The following RIMS2 variants were observed in gnomAD, a reference collection of about 807,000 sequenced individuals.
RIMS2 encodes the protein regulating synaptic membrane exocytosis 2, also known as regulating synaptic membrane exocytosis protein 2.
A neutral mutation model predicts 174.4 loss-of-function variants in RIMS2; 59 were observed. The ratio of observed to expected loss-of-function variants is 0.34; its 90% confidence interval spans 0.27 to 0.42. The LOEUF is 0.42. Ranked by LOEUF, RIMS2 falls within the 10% of genes least tolerant of loss-of-function variation. RIMS2 has a pLI of 1.00. For missense variants in RIMS2, 1,620 were observed against 1,666.3 expected (o/e 0.97, Z 0.48); for synonymous variants, 606 against 572.5 (o/e 1.06, Z -0.84).
In RIMS2 at chr8:103,607,744, A is replaced by G. The variant is rs1455379159; in HGVS notation, c.177-89342A>G. On this transcript the variant is annotated intron_variant, in intron 1 of 23. Transcript: ENST00000504942. ...TAAACTTCCCTTCTCACTTCATTTC[A>G]TTCATTTCATCTTCCATTGCTGATA... Among the ~76,000 whole-genome samples the G allele has an allele frequency of 4.4e-5, 6 of 134,986 alleles. No individual in the cohort carries two copies. The Middle Eastern group carries it at 0.01, about 231-fold the overall frequency. 88.6% of individuals were successfully genotyped at this position (134,986 alleles called of 152,430 possible). A position where few individuals can be genotyped will look rare whatever the true frequency, so the allele number is the denominator to read the frequency against.
intron 3 of RIMS2, among the ~76,000 whole-genome samples, chr8:103,877,368 T>C (rs1378283623): frequency 1.3e-5 from 2 of 152,018 alleles, no homozygotes; most frequent in African/African-American, 4.8e-5. Flanking sequence ...TGTCTATTCA[T>C]GTCCTTAGCC....
Position 103,692,300 on chromosome 8 carries a change from G to A in RIMS2, c.177-4786G>A, listed in dbSNP as rs62527092. Among the ~76,000 whole-genome samples the A allele has an allele frequency of 6.0e-3, 910 of 152,308 alleles. 14 individuals carry two copies. Among genetic ancestry groups the A allele is most frequent in the Non-Finnish European group, 7.3e-3 (498 of 68,026 alleles). The stretch of plus-strand genomic sequence containing the variant: ...TTTGTCCTTTTCTTCAGGATGGTGA[G>A]TTGCTTCCTCTTCCCAGACAAGCTC... On this transcript the variant is annotated intron_variant, in intron 1 of 23. Transcript: ENST00000504942.
At chr8:104,013,970 T>C (rs773373381) in intron 18 of RIMS2, among the ~76,000 whole-genome samples, 8 of 152,212 alleles carry the variant, frequency 5.3e-5, no homozygotes, top group Non-Finnish European at 1.0e-4. Context: ...TGATTATAAA[T>C]AAAACTAGAT....
At chr8:103,587,004 A>G (rs756222139) in intron 1 of RIMS2, among the ~76,000 whole-genome samples, 13 of 152,070 alleles carry the variant, frequency 8.5e-5, no homozygotes, top group Non-Finnish European at 1.6e-4. Context: ...ATGTAAATGG[A>G]CTAAATTTTC....
intron 19 of RIMS2, among the ~76,000 whole-genome samples, chr8:104,112,406 A>T (rs1483634528): frequency 1.3e-5 from 2 of 152,112 alleles, no homozygotes; most frequent in East Asian, 1.9e-4. Flanking sequence ...TATGTATAAC[A>T]TATGGCATTC....
exon 12 of RIMS2, chr8:103,931,364 T>C (rs764362460): frequency 1.8e-4 from 281 of 1,600,654 alleles, no homozygotes; most frequent in Middle Eastern, 8.4e-4. Flanking sequence ...GGAATCCTTA[T>C]GTTAAAATTT....
At chr8:104,149,177 T>A (rs2098669433) in intron 19 of RIMS2, among the ~76,000 whole-genome samples, 1 of 152,208 alleles carries the variant, frequency 6.6e-6, no homozygotes, top group South Asian at 2.1e-4. Context: ...TGCTTTTCTT[T>A]AGGTTCCTCA....
At chr8:104,098,702 A>G (rs1379555240) in intron 19 of RIMS2, among the ~76,000 whole-genome samples, 2 of 152,096 alleles carry the variant, frequency 1.3e-5, no homozygotes, top group Non-Finnish European at 2.9e-5. Flanking sequence ...AGCCATTTCA[A>G]TTATCTAGCA....
At chr8:104,117,637 T>A (rs933220623) in intron 19 of RIMS2, among the ~76,000 whole-genome samples, 9 of 152,192 alleles carry the variant, frequency 5.9e-5, no homozygotes, top group Admixed American at 2.6e-4. Context: ...CTACCACACC[T>A]AGCCAAAAAT....
intron 1 of RIMS2, among the ~76,000 whole-genome samples, chr8:103,664,735 A>G (rs975300456): frequency 6.6e-6 from 1 of 152,248 alleles, no homozygotes; most frequent in Non-Finnish European, 1.5e-5. Context: ...TCAAGCATCT[A>G]GAACTAGAAA....
At chr8:104,042,846 G>A (rs2096631629) in intron 19 of RIMS2, among the ~76,000 whole-genome samples, 1 of 151,534 alleles carries the variant, frequency 6.6e-6, no homozygotes, top group Non-Finnish European at 1.5e-5. Context: ...GCATTCAAGT[G>A]ATGCCATTGG....
intron 3 of RIMS2, among the ~76,000 whole-genome samples, chr8:103,861,277 A>G (rs2099057503): frequency 6.6e-6 from 1 of 152,154 alleles, no homozygotes; most frequent in South Asian, 2.1e-4. Context: ...AATGGCCTCC[A>G]GCTCTACCCA....
At chr8:104,210,167 G>C (rs2099099093) in intron 19 of RIMS2, among the ~76,000 whole-genome samples, 1 of 152,148 alleles carries the variant, frequency 6.6e-6, no homozygotes, top group South Asian at 2.1e-4. Flanking sequence ...TTGGAAAACA[G>C]AAAGCTGTGG....
intron 1 of RIMS2, among the ~76,000 whole-genome samples, chr8:103,516,788 G>A (rs1163775333): frequency 3.3e-5 from 5 of 150,912 alleles, no homozygotes; most frequent in Non-Finnish European, 7.4e-5. Flanking sequence ...AGTAATAATT[G>A]GACTACCTGA....
chr8:103,569,950 GCA>G, intron 1 of RIMS2, among the ~76,000 whole-genome samples: 1 of 152,116 alleles, frequency 6.6e-6, no homozygotes, highest in South Asian at 2.1e-4. Flanking sequence ...TTTTAAACAT[GCA>G]ATTGTTTTCA....
At chr8:104,241,848 C>T (rs1220011578) in intron 19 of RIMS2, among the ~76,000 whole-genome samples, 1 of 152,174 alleles carries the variant, frequency 6.6e-6, no homozygotes, top group Non-Finnish European at 1.5e-5. Flanking sequence ...CAACCTCTGC[C>T]TCCTGAGTTC....
At chr8:103,657,013 T>A (rs1405122678) in intron 1 of RIMS2, among the ~76,000 whole-genome samples, 1 of 151,526 alleles carries the variant, frequency 6.6e-6, no homozygotes, top group East Asian at 1.9e-4. Context: ...AGGGAAGGAG[T>A]AACCATTTTG....
intron 16 of RIMS2, among the ~76,000 whole-genome samples, chr8:103,983,951 A>G (rs2094137945): frequency 6.6e-6 from 1 of 152,136 alleles, no homozygotes; most frequent in Admixed American, 6.5e-5. Context: ...AGGCGGGCGG[A>G]TCACGAGGTC....
At chr8:103,650,123 A>G (rs2135796770) in intron 1 of RIMS2, among the ~76,000 whole-genome samples, 1 of 151,550 alleles carries the variant, frequency 6.6e-6, no homozygotes, top group South Asian at 2.1e-4. Context: ...TTTTTTATTG[A>G]CGTTGTTGTT....
Sources: gnomAD v4.1 joint callset for allele counts (sites outside exome capture counted in the v4.1 genomes callset) on GRCh38, gnomAD v4.1.1 for gene constraint, MANE v1.5 for transcripts, NCBI Gene and HGNC (gene_info 2026-07-23, HGNC 2026-07-21) for gene names.